Variants in UBASH3B observed in about 807,000 individuals in gnomAD.
UBASH3B encodes ubiquitin associated and SH3 domain containing B.
In UBASH3B, 37 loss-of-function variants were observed where a neutral mutation model predicts 83.4. The ratio of observed to expected loss-of-function variants is 0.44; its 90% CI spans 0.34 to 0.58. The LOEUF is 0.58. Among genes scored for constraint, UBASH3B ranks in the 20% least tolerant of loss-of-function variants. The pLI is 0.01. For synonymous variants in UBASH3B, 304 were observed against 318.3 expected (o/e 0.96, Z 0.48); for missense variants, 657 against 827.2 (o/e 0.79, Z 2.52).
intron 1 of UBASH3B, among the ~76,000 whole-genome samples, chr11:122,674,271 T>G (rs1863637112): frequency 6.6e-6 from 1 of 152,166 alleles, no homozygotes; most frequent in African/African-American, 2.4e-5. Context: ...GAGCTGGATT[T>G]TGTCAAGTGA....
At chr11:122,720,540 T>C (rs556116066) in intron 1 of UBASH3B, among the ~76,000 whole-genome samples, 394 of 152,358 alleles carry the variant, frequency 2.6e-3, no homozygotes, top group Non-Finnish European at 4.5e-3. Flanking sequence ...CAAAGTTAAA[T>C]CTAAAGCCTT....
intron 1 of UBASH3B, among the ~76,000 whole-genome samples, chr11:122,678,554 T>G (rs957277523): frequency 1.3e-5 from 2 of 152,322 alleles, no homozygotes; most frequent in South Asian, 2.1e-4. Flanking sequence ...CACTTCCACA[T>G]GACTCACTAG....
At chr11:122,670,824 G>A (rs943469198) in intron 1 of UBASH3B, among the ~76,000 whole-genome samples, 1 of 151,532 alleles carries the variant, frequency 6.6e-6, no homozygotes, top group South Asian at 2.1e-4. Context: ...GTGCAATGGT[G>A]CGACTGTGGC....
intron 3 of UBASH3B, chr11:122,779,294 C>T (rs1422965486): frequency 9.6e-6 from 6 of 626,672 alleles, no homozygotes; most frequent in African/African-American, 1.8e-5. Flanking sequence ...TCATGTGTTC[C>T]CCACATTAAT....
chr11:122,756,407 T>C (rs1019868001), intron 1 of UBASH3B, among the ~76,000 whole-genome samples: 2 of 152,226 alleles, frequency 1.3e-5, no homozygotes, highest in African/African-American at 2.4e-5. Context: ...TATTGCTACA[T>C]GAGCAAATGT....
chr11:122,722,721 T>C (rs534518960), intron 1 of UBASH3B, among the ~76,000 whole-genome samples: 3 of 151,968 alleles, frequency 2.0e-5, no homozygotes, highest in African/African-American at 7.3e-5. Flanking sequence ...TTTTTTTTTT[T>C]TTGAGATGGA....
At chr11:122,754,535 G>A (rs1268481085) in intron 1 of UBASH3B, among the ~76,000 whole-genome samples, 1 of 152,220 alleles carries the variant, frequency 6.6e-6, no homozygotes, top group Non-Finnish European at 1.5e-5. Context: ...CCTGGAAGGA[G>A]GTGCTAGAGT....
chr11:122,808,036 A>C (rs751645529), intron 12 of UBASH3B, 31 bp from the exon 13 acceptor site: 3 of 1,543,446 alleles, frequency 1.9e-6, no homozygotes, highest in Non-Finnish European at 2.7e-6. Flanking sequence ...TTATAGAAAC[A>C]GTCTTCCCAT....
chr11:122,660,318 C>T (rs1341674880), intron 1 of UBASH3B, among the ~76,000 whole-genome samples: 5 of 152,012 alleles, frequency 3.3e-5, no homozygotes, highest in South Asian at 2.1e-4. Context: ...AGGAGGTGTT[C>T]GGGAGGCATC....
At chr11:122,739,296 A>G (rs773640364) in intron 1 of UBASH3B, among the ~76,000 whole-genome samples, 1 of 152,248 alleles carries the variant, frequency 6.6e-6, no homozygotes, top group Non-Finnish European at 1.5e-5. Flanking sequence ...AGGAAGATTT[A>G]GAAAAGAGCT....
rs891993627 is a variant in UBASH3B at position 122,783,227 on chromosome 11, T to A, written c.771+5T>A. 1.2e-6 allele frequency: 2 copies of A among 1,612,538 alleles called. No homozygotes were observed. Among genetic ancestry groups the A allele is most frequent in the Non-Finnish European group, 1.7e-6 (2 of 1,179,128 alleles). Reference sequence around the variant, plus strand: ...ATCCGATTTGCTAACCATGAGGTAATGTCTCACTGTGGTTCCAGAAGCTAC... The same window carrying A: ...ATCCGATTTGCTAACCATGAGGTAAAGTCTCACTGTGGTTCCAGAAGCTAC... On this transcript the variant is annotated splice_donor_5th_base_variant and intron_variant, in intron 5 of 13. Coordinates refer to ENST00000284273, the MANE Select transcript of UBASH3B (RefSeq NM_032873.5).
At position 122,809,740 on chromosome 11, in the gene UBASH3B, T is replaced by C; in HGVS notation, c.1813-9T>C. ...CTAATATCCCCTTTCTTTACGACTC[T>C]TACTTCAGATCCCATATCTGGGATT... On this transcript the variant is annotated splice_polypyrimidine_tract_variant and intron_variant, in intron 13 of 13. Transcript: ENST00000284273. 2 of 1,614,116 alleles carry C rather than the reference T, an allele frequency of 1.2e-6. No individual in the cohort carries two copies. Among genetic ancestry groups the C allele is most frequent in the Non-Finnish European group, 1.7e-6 (2 of 1,179,984 alleles).
chr11:122,783,258 G>T, intron 5 of UBASH3B, 36 bp downstream of exon 5: 1 of 1,602,556 alleles, frequency 6.2e-7, no homozygotes, highest in Non-Finnish European at 8.5e-7. Context: ...GCTACCAGGT[G>T]CAGGGATGCA....
chr11:122,789,439 G>A (rs933537120), intron 6 of UBASH3B, 131 bp downstream of exon 6: 2 of 1,034,092 alleles, frequency 1.9e-6, no homozygotes, highest in African/African-American at 1.6e-5. Flanking sequence ...TTCCAGGAAA[G>A]GAGCTGATTT....
intron 2 of UBASH3B, among the ~76,000 whole-genome samples, 179 bp from the exon 3 acceptor site, chr11:122,776,845 C>T (rs1196360315): frequency 6.6e-6 from 1 of 152,182 alleles, no homozygotes; most frequent in African/African-American, 2.4e-5. Context: ...GTTGCTGCAT[C>T]TGAGAATTGG....
At chr11:122,684,028 C>A (rs976607265) in intron 1 of UBASH3B, among the ~76,000 whole-genome samples, 1 of 152,048 alleles carries the variant, frequency 6.6e-6, no homozygotes, top group Non-Finnish European at 1.5e-5. Flanking sequence ...TAATATAGAT[C>A]TCATTTGGAT....
At chr11:122,744,690 G>T (rs1411080707) in intron 1 of UBASH3B, among the ~76,000 whole-genome samples, 1 of 115,728 alleles carries the variant, frequency 8.6e-6, no homozygotes, top group Non-Finnish European at 1.8e-5. Context: ...TGTGTTGTGG[G>T]TGTGATCACA....
intron 1 of UBASH3B, among the ~76,000 whole-genome samples, chr11:122,695,123 C>T (rs1302356816): frequency 6.6e-6 from 1 of 151,450 alleles, no homozygotes; most frequent in Non-Finnish European, 1.5e-5. Context: ...GCTACCATGC[C>T]CGGCTAATTT....
rs114543849 is a variant in UBASH3B, at chr11:122,811,778, T to C, written c.*1892T>C. The C allele has an allele frequency of 7.9e-5, 12 of 152,316 alleles. No individual in the cohort carries two copies. The highest frequency in any genetic ancestry group is 2.9e-4 in the African/African-American group (12 of 41,560). 9.4% of individuals were successfully genotyped at this position (152,316 alleles called of 1,614,324 possible). A position where few individuals can be genotyped will look rare whatever the true frequency, so the allele number is the denominator to read the frequency against. The stretch of plus-strand genomic sequence containing the variant: ...CCTGTGATGATGTGTTAATATAAAA[T>C]GTTGGGAGGGAATATTCCCAATAAA... On this transcript the variant is annotated 3_prime_UTR_variant, in exon 14 of 14. Transcript: ENST00000284273.
Sources: allele counts gnomAD v4.1 joint callset (sites outside exome capture counted in the v4.1 genomes callset), GRCh38; gene constraint gnomAD v4.1.1; transcripts MANE v1.5; gene names NCBI Gene and HGNC (gene_info 2026-07-23, HGNC 2026-07-21).